Variants in SAP18 observed in about 807,000 individuals in gnomAD.
SAP18 encodes histone deacetylase complex subunit SAP18.
A neutral mutation model predicts 18.6 loss-of-function variants in SAP18; 4 were observed. That is an observed-to-expected ratio of 0.21 (90% CI 0.11 to 0.49). The LOEUF (loss-of-function observed/expected upper bound fraction) is 0.49, where lower values mean the gene tolerates loss of function less well. Among genes scored for constraint, SAP18 ranks in the 20% least tolerant of loss-of-function variants. The pLI is 0.98. For missense variants in SAP18, 170 were observed against 226.4 expected (o/e 0.75, Z 1.60); for synonymous variants, 112 against 82.8 (o/e 1.35, Z -1.92).
intron 2 of SAP18, among the ~76,000 whole-genome samples, chr13:21,143,333 A>G (rs181980725): frequency 2.0e-5 from 3 of 152,342 alleles, no homozygotes; most frequent in Admixed American, 6.5e-5. Context: ...CAAAAGATGT[A>G]TAATTTTAAA....
At chr13:21,146,643 G>A (rs1304040272) in intron 2 of SAP18, 162 bp from the exon 3 acceptor site, 2 of 510,466 alleles carry the variant, frequency 3.9e-6, no homozygotes, top group Non-Finnish European at 6.6e-6. Context: ...GAGGCAAATA[G>A]TATTTTTAGC....
intron 2 of SAP18, among the ~76,000 whole-genome samples, chr13:21,145,278 G>GT (rs1269583038): frequency 2.0e-5 from 3 of 152,124 alleles, no homozygotes; most frequent in Non-Finnish European, 2.9e-5. Context: ...TTCCAGCTGT[G>GT]TATAAGGTAT....
intron 2 of SAP18, chr13:21,146,471 T>C (rs1869654559): frequency 5.8e-6 from 1 of 172,506 alleles, no homozygotes; most frequent in Non-Finnish European, 1.2e-5. Flanking sequence ...CTATTTTGCA[T>C]ATTTGGATTT....
At chr13:21,147,572 A>G in exon 4 of SAP18, 1 of 488,664 alleles carries the variant, frequency 2.0e-6, no homozygotes, top group Non-Finnish European at 3.6e-6. Context: ...TTCTGTGTAA[A>G]ACTGTACTGT....
At chr13:21,140,847 GTT>G (rs1869439529) in intron 1 of SAP18, 37 bp from the exon 2 acceptor site, 1 of 1,592,956 alleles carries the variant, frequency 6.3e-7, no homozygotes, top group East Asian at 2.2e-5. Context: ...CGCAGCTGGT[GTT>G]TTTAACTTCT....
chr13:21,145,603 T>C (rs1372298041), intron 2 of SAP18, among the ~76,000 whole-genome samples: 1 of 152,054 alleles, frequency 6.6e-6, no homozygotes, highest in East Asian at 1.9e-4. Flanking sequence ...GCCTCCCAGG[T>C]CAAGCGATTC....
At chr13:21,140,559 G>C in exon 1 of SAP18, 1 of 1,593,706 alleles carries the variant, frequency 6.3e-7, no homozygotes, top group Non-Finnish European at 8.5e-7. Context: ...GCTCATGCTC[G>C]CTGCAGGGGT....
At chr13:21,143,346 A>G (rs1488711931) in intron 2 of SAP18, among the ~76,000 whole-genome samples, 2 of 152,198 alleles carry the variant, frequency 1.3e-5, no homozygotes, top group African/African-American at 2.4e-5. Context: ...ATTTTAAACT[A>G]TTTAAGCCCT....
exon 1 of SAP18, chr13:21,140,584 A>C: frequency 6.2e-7 from 1 of 1,607,490 alleles, no homozygotes. Flanking sequence ...GGTCAGGGCG[A>C]GCGTCTCGCA....
exon 4 of SAP18, chr13:21,147,663 C>T (rs550832904): frequency 2.3e-4 from 49 of 214,342 alleles, no homozygotes; most frequent in African/African-American, 1.0e-3. Flanking sequence ...AGTGGAGGAG[C>T]GTATGGTTAA....
At chr13:21,145,441 A>G (rs1215023049) in intron 2 of SAP18, among the ~76,000 whole-genome samples, 1 of 152,244 alleles carries the variant, frequency 6.6e-6, no homozygotes, top group Non-Finnish European at 1.5e-5. Context: ...ATTGATACAG[A>G]ATAGTTAACA....
At chr13:21,145,265 G>A (rs2148705) in intron 2 of SAP18, among the ~76,000 whole-genome samples, 104,612 of 151,826 alleles carry the variant, frequency 0.69, 36,281 homozygotes, top group East Asian at 0.8. Flanking sequence ...GTATAAAATT[G>A]TATTCCAGCT....
chr13:21,147,466 A>G (rs765853412), exon 4 of SAP18: 9 of 839,134 alleles, frequency 1.1e-5, no homozygotes, highest in Non-Finnish European at 1.7e-5. Context: ...TGCATCATCT[A>G]TTTAGGAGTT....
chr13:21,147,920 A>C (rs1480330700), exon 4 of SAP18: 3 of 150,742 alleles, frequency 2.0e-5, no homozygotes, highest in African/African-American at 7.2e-5. Flanking sequence ...AGTTTTTAAC[A>C]TGTGGGGAAT....
chr13:21,140,594 A>C, exon 1 of SAP18: 1 of 1,610,196 alleles, frequency 6.2e-7, no homozygotes. Context: ...AGCGTCTCGC[A>C]GGCCGTAGGA....
At chr13:21,140,465 G>T, upstream of SAP18, 1 of 1,426,854 alleles carries the variant, frequency 7.0e-7, no homozygotes, top group Non-Finnish European at 9.4e-7. Context: ...CACCACGCAC[G>T]GAAGTGCGCC....
exon 4 of SAP18, chr13:21,148,172 G>GTGCAGCAGAACATTGAAGTCCTGAT (rs1401368688): frequency 7.0e-6 from 1 of 141,926 alleles, no homozygotes; most frequent in Non-Finnish European, 1.5e-5. Flanking sequence ...GATGAAGACA[G>GTGCAGCAGAACATTGAAGTCCTGAT]TGCAGCAGAA....
intron 2 of SAP18, among the ~76,000 whole-genome samples, chr13:21,145,438 C>T (rs530787122): frequency 2.0e-5 from 3 of 152,232 alleles, no homozygotes; most frequent in African/African-American, 4.8e-5. Context: ...ATAATTGATA[C>T]AGAATAGTTA....
At chr13:21,147,288 A>G in exon 4 of SAP18, 1 of 1,614,114 alleles carries the variant, frequency 6.2e-7, no homozygotes, top group Non-Finnish European at 8.5e-7. Flanking sequence ...TGGACATAGC[A>G]ATTACCCCTC....
Sources: allele counts gnomAD v4.1 joint callset (sites outside exome capture counted in the v4.1 genomes callset), GRCh38; gene constraint gnomAD v4.1.1; transcripts MANE v1.5; gene names NCBI Gene and HGNC (gene_info 2026-07-23, HGNC 2026-07-21).